GUCY2D: variants seen among roughly 807,000 people sequenced by gnomAD.
The protein encoded by GUCY2D is guanylate cyclase 2D, retinal, also known as retinal guanylyl cyclase 1.
In GUCY2D, 70 loss-of-function variants were observed where a neutral mutation model predicts 101.3. The observed-to-expected ratio is 0.69, with a 90% CI of 0.57 to 0.84. The LOEUF is 0.84. Ranked by LOEUF, GUCY2D falls within the 40% of genes least tolerant of loss-of-function variation. GUCY2D has a pLI of 0.00. For synonymous variants in GUCY2D, 688 were observed against 670.7 expected, an observed-to-expected ratio of 1.03 and a Z score of -0.40; for missense variants, 1,460 against 1,542.5, an observed-to-expected ratio of 0.95 and a Z score of 0.90.
At chr17:8,015,084 T>C in intron 14 of GUCY2D, 33 bp downstream of exon 14, 1 of 1,578,166 alleles carries the variant, frequency 6.3e-7, no homozygotes, top group Non-Finnish European at 8.7e-7. Flanking sequence ...CCTCCTGACC[T>C]TCAATTCAGC....
In GUCY2D at chr17:8,007,072, G is replaced by C; in HGVS notation, c.1391G>C (p.Gly464Ala). The C allele has an allele frequency of 6.2e-7, 1 of 1,614,024 alleles. No individual in the cohort carries two copies. Among genetic ancestry groups the C allele is most frequent in the South Asian group, 1.1e-5 (1 of 91,082 alleles). The change falls in exon 5 of 20, where the codon GGC becomes GCC. Residue 464 changes from glycine to alanine, a missense_variant. Coordinates refer to ENST00000254854, the MANE Select transcript of GUCY2D (RefSeq NM_000180.4). ...NNICGGGLEP[G>A]LVFLGFLLVV... ...ACTGTCCCTTCAGGACTGGAGCCGG[G>C]CCTCGTCTTTCTTGGCTTCCTCCTG...
chr17:8,014,041 G>A lies in GUCY2D; in HGVS notation c.2412+13G>A, dbSNP rs1286154718. 4.3e-6 allele frequency: 7 copies of A among 1,610,534 alleles called. No homozygotes were observed. The highest frequency in any genetic ancestry group is 5.9e-6 in the Non-Finnish European group (7 of 1,178,966). On this transcript the variant is annotated intron_variant, in intron 12 of 19. Transcript: ENST00000254854. The surrounding 1 kb of genome is among the most constrained non-coding windows in gnomAD (Gnocchi z 4.0). ...CACCTTCGACCTGGTCAGGGGCTGG[G>A]AGTGGGCAAGGACTGGGCTGGCCTC...
Position 8,003,261 on chromosome 17 carries a change from C to T in GUCY2D, c.214C>T (p.Arg72Cys), listed in dbSNP as rs1444681966. 4.6e-6 allele frequency: 7 copies of T among 1,505,814 alleles called. No individual in the cohort carries two copies. Among genetic ancestry groups the T allele is most frequent in the South Asian group, 2.5e-5 (2 of 80,172 alleles). 93.3% of individuals were successfully genotyped at this position (1,505,814 alleles called of 1,614,324 possible). ...WACDPIFSRARPDLAARLAAA... is the reference protein window; with the variant it reads ...WACDPIFSRACPDLAARLAAA... ...TTGCGACCCCATCTTCTCTCGGGCT[C>T]GCCCGGACCTGGCCGCCCGCCTGGC... Residue 72 changes from arginine (R) to cysteine (C), a missense_variant, in exon 2 of 20, where the codon CGC becomes TGC. Around this residue, in one of 3 missense-constraint regions of GUCY2D, gnomAD observed 1,196 missense variants for 1,229.6 expected, o/e 0.97. Transcript: ENST00000254854.
chr17:8,009,170 T>C (rs190420345), intron 7 of GUCY2D, among the ~76,000 whole-genome samples: 1 of 152,314 alleles, frequency 6.6e-6, no homozygotes, highest in East Asian at 1.9e-4. Flanking sequence ...TCCCAGAACA[T>C]GTTCTCTCAT....
rs151330485 is a variant in GUCY2D at position 8,006,649 on chromosome 17, G to T, written c.1313G>T (p.Arg438Leu). The change falls in exon 4 of 20, where the codon CGT becomes CTT. Residue 438 changes from arginine (R) to leucine (L), a missense_variant. Transcript: ENST00000254854. ...LSAGTRMHFP[R>L]GGSAPGPDPS... ...GCCGGTACCCGGATGCACTTCCCGC[G>T]TGGGGGATCAGCACCCGGACCTGAC... 1 of 1,612,766 alleles carries T rather than the reference G, an allele frequency of 6.2e-7. No homozygotes were observed. The highest frequency in any genetic ancestry group is 1.1e-5 in the South Asian group (1 of 90,772).
intron 17 of GUCY2D, 27 bp downstream of exon 17, chr17:8,016,048 G>T (rs1975966280): frequency 4.5e-6 from 7 of 1,567,930 alleles, no homozygotes; most frequent in East Asian, 2.3e-5. Flanking sequence ...ACCCCTCCCG[G>T]AGGCCCCGCC....
chr17:8,013,281 C>T lies in GUCY2D; in HGVS notation c.2263+29C>T. ...AGGCTGCCCTGTGCGTGGAGTTCGG[C>T]CCACAGGGGCACCCTGCAGTTAGAA... On this transcript the variant is annotated intron_variant, in intron 11 of 19. Transcript: ENST00000254854. The surrounding 1 kb of genome is among the most constrained non-coding windows in gnomAD (Gnocchi z 5.0). The T allele has an allele frequency of 6.2e-7, 1 of 1,609,920 alleles. No homozygotes were observed. The highest frequency in any genetic ancestry group is 8.5e-7 in the Non-Finnish European group (1 of 1,176,654).
At chr17:8,007,017 C>G (rs980774971) in intron 4 of GUCY2D, 43 bp from the exon 5 acceptor site, 15 of 1,509,678 alleles carry the variant, frequency 9.9e-6, no homozygotes, top group Non-Finnish European at 1.4e-5. Flanking sequence ...GAGGCCTCCC[C>G]TGGCATCGCT....
Position 8,015,971 on chromosome 17 carries a change from GC to G in GUCY2D, c.3089del (p.Ala1030ValfsTer16). ...CTTGAGCACTGTGGGGATTCTCCGT[GC>G]TCTGGACTCGGGCTACCAGGTGGAG... Reference protein sequence around the residue: ...VNLSTVGILRALDSGYQVELR... With the variant: ...VNLSTVGILRXLDSGYQVELR... On this transcript the variant is annotated frameshift_variant, in exon 17 of 20. Coordinates refer to ENST00000254854, the MANE Select transcript of GUCY2D (RefSeq NM_000180.4). LOFTEE classifies it high-confidence loss of function. 6.2e-7 allele frequency: 1 copy of G among 1,612,268 alleles called. No individual in the cohort carries two copies. The highest frequency in any genetic ancestry group is 8.5e-7 in the Non-Finnish European group (1 of 1,179,444).
At position 8,002,703 on chromosome 17, in the gene GUCY2D, G is replaced by C. The variant is rs1372822931; in HGVS notation, c.-41G>C. The C allele has an allele frequency of 8.9e-6, 1 of 111,734 alleles. No individual in the cohort carries two copies. The highest frequency in any genetic ancestry group is 1.4e-5 in the Non-Finnish European group (1 of 71,910). 6.9% of individuals were successfully genotyped at this position (111,734 alleles called of 1,614,324 possible). A position where few individuals can be genotyped will look rare whatever the true frequency, so the allele number is the denominator to read the frequency against. On this transcript the variant is annotated 5_prime_UTR_variant, in exon 1 of 20. Transcript: ENST00000254854. The surrounding 1 kb of genome is among the most constrained non-coding windows in gnomAD (Gnocchi z 4.9). Reference sequence around the variant, plus strand: ...GGACCGGCCCTGTGACCCCTCACCGGGGGCCGTGGGCCCGAGCCCCCGGAC... The same window carrying C: ...GGACCGGCCCTGTGACCCCTCACCGCGGGCCGTGGGCCCGAGCCCCCGGAC...
intron 18 of GUCY2D, 76 bp downstream of exon 18, chr17:8,016,366 G>A: frequency 1.4e-6 from 2 of 1,430,816 alleles, no homozygotes; most frequent in South Asian, 1.2e-5. Flanking sequence ...CCCCCCGCGC[G>A]CGAGGCAGCG....
rs1248888156 is a variant in GUCY2D, at chr17:8,011,443, C to A, written c.1750-701C>A. On this transcript the variant is annotated intron_variant, in intron 8 of 19. Transcript: ENST00000254854. The surrounding 1 kb of genome is among the most constrained non-coding windows in gnomAD (Gnocchi z 4.3). Reference sequence around the variant, plus strand: ...CACCGCTCCTCCCTGGCTCTCCCAGCAAAGGCTGTTAAATCAGGAGAGGAT... The same window carrying A: ...CACCGCTCCTCCCTGGCTCTCCCAGAAAAGGCTGTTAAATCAGGAGAGGAT... Among the ~76,000 whole-genome samples the A allele has an allele frequency of 6.6e-6, 1 of 152,156 alleles. No individual in the cohort carries two copies. The highest frequency in any genetic ancestry group is 1.5e-5 in the Non-Finnish European group (1 of 68,018).
In GUCY2D at chr17:8,011,467, ATGG is replaced by A. The variant is rs1217276715; in HGVS notation, c.1750-672_1750-670del. Among the ~76,000 whole-genome samples the A allele has an allele frequency of 1.3e-5, 2 of 152,124 alleles. No individual in the cohort carries two copies. Among genetic ancestry groups the A allele is most frequent in the African/African-American group, 4.8e-5 (2 of 41,434 alleles). On this transcript the variant is annotated intron_variant, in intron 8 of 19. Coordinates refer to ENST00000254854, the MANE Select transcript of GUCY2D (RefSeq NM_000180.4). The surrounding 1 kb of genome is among the most constrained non-coding windows in gnomAD (Gnocchi z 4.3). Reference sequence around the variant, plus strand: ...GCAAAGGCTGTTAAATCAGGAGAGGATGGTGGTTCCAGGAGCTTCTCCTTCATG... The same window carrying A: ...GCAAAGGCTGTTAAATCAGGAGAGGATGGTTCCAGGAGCTTCTCCTTCATG...
chr17:8,013,096 T>A lies in GUCY2D; in HGVS notation c.2114-7T>A. The A allele has an allele frequency of 6.2e-7, 1 of 1,610,588 alleles. No individual in the cohort carries two copies. Among genetic ancestry groups the A allele is most frequent in the Non-Finnish European group, 8.5e-7 (1 of 1,178,900 alleles). Reference sequence around the variant, plus strand: ...CAGCGGCGCCTCAGCCCCTTCCCCATCCCCAGACCAGCTGTGGACAGCCCC... The same window carrying A: ...CAGCGGCGCCTCAGCCCCTTCCCCAACCCCAGACCAGCTGTGGACAGCCCC... On this transcript the variant is annotated splice_region_variant and splice_polypyrimidine_tract_variant and intron_variant, in intron 10 of 19. Coordinates refer to ENST00000254854, the MANE Select transcript of GUCY2D (RefSeq NM_000180.4). This position sits in a 1 kb window ranked among gnomAD's most constrained non-coding sequence, Gnocchi z 5.0.
intron 7 of GUCY2D, among the ~76,000 whole-genome samples, chr17:8,008,964 G>A (rs375686386): frequency 6.6e-6 from 1 of 152,284 alleles, no homozygotes; most frequent in South Asian, 2.1e-4. Flanking sequence ...GGGGCTCCTC[G>A]TTCATTCATG....
intron 7 of GUCY2D, among the ~76,000 whole-genome samples, chr17:8,008,449 G>C (rs1343607636): frequency 6.6e-6 from 1 of 152,142 alleles, no homozygotes; most frequent in Non-Finnish European, 1.5e-5. Context: ...GCAACCCCTA[G>C]AGGGGGAAAA....
Position 8,016,224 on chromosome 17 carries a change from C to A in GUCY2D, c.3158C>A (p.Thr1053Asn). The change falls in exon 18 of 20, where the codon ACT becomes AAT. Residue 1053 changes from threonine to asparagine, a missense_variant. By Grantham distance (65) the Thr-to-Asn change is moderately conservative. Around this residue, in one of 3 missense-constraint regions of GUCY2D, gnomAD observed 215 missense variants for 227.9 expected, o/e 0.94. Transcript: ENST00000254854. ...TELKGKGAED[T>N]FWLVGRRGFN... ...CCCCAGGGCAAGGGCGCCGAGGACA[C>A]TTTCTGGCTAGTGGGCAGACGCGGC... is the stretch of plus-strand genomic sequence containing the variant. 6.3e-7 allele frequency: 1 copy of A among 1,591,648 alleles called. No individual in the cohort carries two copies.
Position 8,016,555 on chromosome 17 carries a change from G to T in GUCY2D, c.*24+1G>T. 6.8e-7 allele frequency: 1 copy of T among 1,461,928 alleles called. No individual in the cohort carries two copies. The highest frequency in any genetic ancestry group is 9.3e-7 in the Non-Finnish European group (1 of 1,070,586). The allele number at this position is 1,461,928 out of a possible 1,614,324, so 90.6% of individuals were successfully genotyped here. On this transcript the variant is annotated splice_donor_variant, in intron 19 of 19. Transcript: ENST00000254854. LOFTEE classifies it low-confidence loss of function (3UTR_SPLICE). ...AGAAGTGAGGCCCGGCCCCGGACAG[G>T]TACTGCCCCCTCAGCCCCAACCCCA...
rs1190476854 is a variant in GUCY2D, at chr17:8,006,540, T to A, written c.1204T>A (p.Phe402Ile). ...GDLGGDEEPP[F>I]VLLDTDAAGD... ...CCTAGGAGGAGACGAGGAGCCCCCATTCGTGCTGCTAGACACGGACGCGGC... is the reference window on the plus strand; with the variant it reads ...CCTAGGAGGAGACGAGGAGCCCCCAATCGTGCTGCTAGACACGGACGCGGC... The change falls in exon 4 of 20, where the codon TTC becomes ATC. Residue 402 changes from phenylalanine to isoleucine, a missense_variant. By Grantham distance (21) the Phe-to-Ile change is conservative. This residue lies in a region of GUCY2D where 1,196 missense variants were observed against 1,229.6 expected (regional missense o/e 0.97). Transcript: ENST00000254854. The A allele has an allele frequency of 6.2e-7, 1 of 1,612,310 alleles. No homozygotes were observed. Among genetic ancestry groups the A allele is most frequent in the African/African-American group, 1.3e-5 (1 of 74,928 alleles).
Sources: allele counts gnomAD v4.1 joint callset (sites outside exome capture counted in the v4.1 genomes callset), GRCh38; gene constraint gnomAD v4.1.1; regional missense constraint gnomAD v4.1.1; non-coding constraint Gnocchi (gnomAD v3.1); transcripts MANE v1.5; gene names NCBI Gene and HGNC (gene_info 2026-07-23, HGNC 2026-07-21).